Variants in AHCYL2 observed in about 807,000 individuals in gnomAD.
The protein encoded by AHCYL2 is adenosylhomocysteinase like 2.
AHCYL2 carries 28 observed loss-of-function variants against 81.4 expected under a neutral mutation model. That is an observed-to-expected ratio of 0.34 (90% confidence interval 0.25 to 0.47). AHCYL2 has a LOEUF of 0.47. Ranked by LOEUF, AHCYL2 falls within the 20% of genes least tolerant of loss-of-function variation. The pLI is 1.00. For synonymous variants in AHCYL2, 272 were observed against 290.2 expected, an observed-to-expected ratio of 0.94 and a Z score of 0.64; for missense variants, 551 against 785.1, an observed-to-expected ratio of 0.70 and a Z score of 3.56.
At chr7:129,424,998 G>A (rs1351856313) in intron 14 of AHCYL2, 56 bp downstream of exon 14, 16 of 1,612,520 alleles carry the variant, frequency 9.9e-6, no homozygotes, top group Non-Finnish European at 1.2e-5. Flanking sequence ...AGACCCACCA[G>A]GTTTCACTTG....
intron 1 of AHCYL2, among the ~76,000 whole-genome samples, chr7:129,281,207 G>A (rs1456325098): frequency 1.3e-5 from 2 of 151,992 alleles, no homozygotes; most frequent in African/African-American, 4.8e-5. Context: ...TATTCTTAGG[G>A]TAAATTTCAC....
intron 1 of AHCYL2, among the ~76,000 whole-genome samples, chr7:129,370,385 G>T (rs1794322468): frequency 7.5e-6 from 1 of 132,840 alleles, no homozygotes; most frequent in African/African-American, 2.8e-5. Flanking sequence ...GTTGTGTCTT[G>T]GTTGGTAAAA....
chr7:129,358,076 C>T (rs1031183042), intron 1 of AHCYL2, among the ~76,000 whole-genome samples: 1 of 151,982 alleles, frequency 6.6e-6, no homozygotes, highest in African/African-American at 2.4e-5. Flanking sequence ...GTGGCATAGA[C>T]ATAAAATGGA....
intron 1 of AHCYL2, among the ~76,000 whole-genome samples, chr7:129,308,522 C>T (rs1797525029): frequency 6.6e-6 from 1 of 152,192 alleles, no homozygotes; most frequent in African/African-American, 2.4e-5. Flanking sequence ...GTAGTTAAAA[C>T]CAGGTACTGT....
rs533351742 is a variant in AHCYL2 at position 129,426,290 on chromosome 7, G to A, written c.1709-153G>A. On this transcript the variant is annotated intron_variant, in intron 15 of 16. Transcript: ENST00000325006. This position sits in a 1 kb window ranked among gnomAD's most constrained non-coding sequence, Gnocchi z 4.3. ...TGAAGCTGAAGGCAGCTATTCCTTAGAATTGAGGACCAGTGAGCGAAGGTT... is the reference window on the plus strand; with the variant it reads ...TGAAGCTGAAGGCAGCTATTCCTTAAAATTGAGGACCAGTGAGCGAAGGTT... Among the ~76,000 whole-genome samples the A allele has an allele frequency of 6.6e-6, 1 of 152,364 alleles. No homozygotes were observed. The highest frequency in any genetic ancestry group is 2.1e-4 in the South Asian group (1 of 4,828).
intron 1 of AHCYL2, among the ~76,000 whole-genome samples, chr7:129,259,731 G>A (rs1373158272): frequency 6.6e-6 from 1 of 152,142 alleles, no homozygotes; most frequent in Non-Finnish European, 1.5e-5. Flanking sequence ...TCTGTTGTGG[G>A]GAAATACTTA....
In AHCYL2 at chr7:129,242,016, A is replaced by T. The variant is rs1339030439; in HGVS notation, c.363+16577A>T. 2.0e-5 allele frequency among the ~76,000 whole-genome samples: 3 copies of T among 152,024 alleles called. No individual in the cohort carries two copies. In the South Asian group the frequency reaches 6.2e-4, roughly 31 times the overall value. Reference sequence around the variant, plus strand: ...TTAGTACTTTTGCTATATATTCTTTATCAGTATCAATTGTATGTCAGCAGA... The same window carrying T: ...TTAGTACTTTTGCTATATATTCTTTTTCAGTATCAATTGTATGTCAGCAGA... On this transcript the variant is annotated intron_variant, in intron 1 of 16. Coordinates refer to ENST00000325006, the MANE Select transcript of AHCYL2 (RefSeq NM_015328.4).
At chr7:129,424,274 C>T (rs1797254007) in intron 13 of AHCYL2, among the ~76,000 whole-genome samples, 1 of 151,758 alleles carries the variant, frequency 6.6e-6, no homozygotes, top group African/African-American at 2.4e-5. Context: ...GTGGCGCACA[C>T]CTGTGATCCC....
chr7:129,389,326 G>C, intron 3 of AHCYL2, 127 bp downstream of exon 3: 1 of 977,912 alleles, frequency 1.0e-6, no homozygotes, highest in Non-Finnish European at 1.4e-6. Context: ...TATAACAAAA[G>C]AAATGTGAGT....
chr7:129,251,839 C>A (rs565833915), intron 1 of AHCYL2, among the ~76,000 whole-genome samples: 1 of 152,144 alleles, frequency 6.6e-6, no homozygotes, highest in African/African-American at 2.4e-5. Flanking sequence ...CATGCTTAAT[C>A]CTAATTTTTT....
At chr7:129,401,406 C>T (rs1796029918) in intron 6 of AHCYL2, among the ~76,000 whole-genome samples, 2 of 151,884 alleles carry the variant, frequency 1.3e-5, no homozygotes, top group South Asian at 4.2e-4. Context: ...TGCCCTCTCC[C>T]CTAGGGGGAG....
chr7:129,352,386 C>T lies in AHCYL2; in HGVS notation c.364-27252C>T, dbSNP rs145953767. 5.8e-3 allele frequency among the ~76,000 whole-genome samples: 885 copies of T among 152,268 alleles called. 7 individuals are homozygous for T. The highest frequency in any genetic ancestry group is 0.02 in the African/African-American group (833 of 41,550). On this transcript the variant is annotated intron_variant, in intron 1 of 16. Coordinates refer to ENST00000325006, the MANE Select transcript of AHCYL2 (RefSeq NM_015328.4). ...TGACAGCTTCCAGTCAAGCTGTCCC[C>T]GGTGTAGACCTCGTATTTGAGCTCC...
Position 129,368,603 on chromosome 7 carries a change from C to A in AHCYL2, c.364-11035C>A. The A allele has an allele frequency of 6.2e-7, 1 of 1,600,568 alleles. No homozygotes were observed. Among genetic ancestry groups the A allele is most frequent in the Non-Finnish European group, 8.6e-7 (1 of 1,167,856 alleles). On this transcript the variant is annotated intron_variant, in intron 1 of 16. Transcript: ENST00000325006. The surrounding 1 kb of genome is among the most constrained non-coding windows in gnomAD (Gnocchi z 4.4). ...CCTTCTGTTTCTTGATAATGAGAGG[C>A]AACCATTTCTGACGGGTGACAAGGA...
chr7:129,362,597 G>GTTTTTTTTTTTTTT (rs769346623), intron 1 of AHCYL2, among the ~76,000 whole-genome samples: 2 of 63,630 alleles, frequency 3.1e-5, no homozygotes, highest in Non-Finnish European at 6.1e-5. Flanking sequence ...TGGTTTTCTT[G>GTTTTTTTTTTTTTT]TTTTTTTTTT....
chr7:129,290,117 C>T (rs374891340), intron 1 of AHCYL2, among the ~76,000 whole-genome samples: 4 of 152,062 alleles, frequency 2.6e-5, no homozygotes, highest in African/African-American at 7.2e-5. Flanking sequence ...ATGATGAGGA[C>T]GTGTCTTAGA....
intron 1 of AHCYL2, among the ~76,000 whole-genome samples, chr7:129,246,582 T>G (rs902244829): frequency 1.3e-5 from 2 of 152,190 alleles, no homozygotes; most frequent in Non-Finnish European, 2.9e-5. Context: ...ACTGTGGTCT[T>G]GATCTCCTAC....
In AHCYL2 at chr7:129,373,611, C is replaced by A. The variant is rs1342717578; in HGVS notation, c.364-6027C>A. ...CAAGACTCAGTCTCAAAAAAAAAAA[C>A]CAAAACAAACAAACAGACAAAACTT... On this transcript the variant is annotated intron_variant, in intron 1 of 16. Coordinates refer to ENST00000325006, the MANE Select transcript of AHCYL2 (RefSeq NM_015328.4). 4.6e-5 allele frequency among the ~76,000 whole-genome samples: 7 copies of A among 150,674 alleles called. 1 individual carries two copies. The highest frequency in any genetic ancestry group is 2.6e-4 in the Admixed American group (4 of 15,112).
chr7:129,245,007 A>G (rs145538469), intron 1 of AHCYL2, among the ~76,000 whole-genome samples: 1 of 149,910 alleles, frequency 6.7e-6, no homozygotes, highest in African/African-American at 2.4e-5. Context: ...ATTCAATGAT[A>G]TATATTTGTA....
At position 129,353,439 on chromosome 7, in the gene AHCYL2, T is replaced by C. The variant is rs368812001; in HGVS notation, c.364-26199T>C. Among the ~76,000 whole-genome samples the C allele has an allele frequency of 1.8e-4, 27 of 152,188 alleles. No homozygotes were observed. The East Asian group carries it at 2.7e-3, about 15-fold the overall frequency. On this transcript the variant is annotated intron_variant, in intron 1 of 16. Coordinates refer to ENST00000325006, the MANE Select transcript of AHCYL2 (RefSeq NM_015328.4). ...CCCTCTGGTCCTAGTTCAAATGTTA[T>C]CACCTTAAAACTGCCTTTCTTGATT...
Sources: gnomAD v4.1 joint callset for allele counts (sites outside exome capture counted in the v4.1 genomes callset) on GRCh38, gnomAD v4.1.1 for gene constraint, Gnocchi (gnomAD v3.1) non-coding constraint, MANE v1.5 for transcripts, NCBI Gene and HGNC (gene_info 2026-07-23, HGNC 2026-07-21) for gene names.